Variants in GRM7 observed in about 807,000 individuals in gnomAD.
GRM7 encodes glutamate metabotropic receptor 7, also known as metabotropic glutamate receptor 7.
A neutral mutation model predicts 84.5 loss-of-function variants in GRM7; 35 were observed. That is an observed-to-expected ratio of 0.41 (90% CI 0.32 to 0.55). The LOEUF (loss-of-function observed/expected upper bound fraction) is 0.55, where lower values mean the gene tolerates loss of function less well. Among genes scored for constraint, GRM7 ranks in the 20% least tolerant of loss-of-function variants. GRM7 has a pLI of 0.19. For missense variants in GRM7, 1,003 were observed against 1,194.6 expected (o/e 0.84, Z 2.36); for synonymous variants, 487 against 455.1 (o/e 1.07, Z -0.89).
intron 7 of GRM7, among the ~76,000 whole-genome samples, chr3:7,548,426 A>G (rs1693277381): frequency 6.6e-6 from 1 of 152,224 alleles, no homozygotes; most frequent in South Asian, 2.1e-4. Context: ...AGCCTACAGA[A>G]TGATGGGCTA....
At chr3:7,708,910 T>C (rs1701489043) in intron 9 of GRM7, among the ~76,000 whole-genome samples, 1 of 151,602 alleles carries the variant, frequency 6.6e-6, no homozygotes, top group Non-Finnish European at 1.5e-5. Context: ...GTATTATATA[T>C]AATTTAAAAA....
intron 4 of GRM7, among the ~76,000 whole-genome samples, chr3:7,327,999 G>A (rs1701051471): frequency 6.6e-6 from 1 of 152,218 alleles, no homozygotes; most frequent in Admixed American, 6.5e-5. Context: ...TGATGATTTT[G>A]GTCAGGGCTA....
intron 1 of GRM7, among the ~76,000 whole-genome samples, chr3:6,949,446 T>G (rs7614072): frequency 6.6e-6 from 1 of 151,908 alleles, no homozygotes; most frequent in African/African-American, 2.4e-5. Context: ...GATGGGCTTC[T>G]CTTTGTGGGT....
chr3:6,919,764 A>C (rs896886932), intron 1 of GRM7, among the ~76,000 whole-genome samples: 11 of 152,134 alleles, frequency 7.2e-5, no homozygotes, highest in South Asian at 2.1e-4. Flanking sequence ...AAGATTCTAA[A>C]TTATTTAATT....
At chr3:7,595,970 G>A (rs1298666884) in intron 8 of GRM7, among the ~76,000 whole-genome samples, 1 of 152,178 alleles carries the variant, frequency 6.6e-6, no homozygotes, top group African/African-American at 2.4e-5. Flanking sequence ...AGACCACTCT[G>A]TCTTGGAGAA....
chr3:7,718,477 C>T (rs1297962279), intron 9 of GRM7, among the ~76,000 whole-genome samples: 1 of 151,984 alleles, frequency 6.6e-6, no homozygotes, highest in Non-Finnish European at 1.5e-5. Flanking sequence ...AAAAATAATC[C>T]CTGCCTCCAG....
intron 1 of GRM7, among the ~76,000 whole-genome samples, chr3:6,903,760 A>G (rs1696475922): frequency 1.3e-5 from 2 of 152,292 alleles, no homozygotes; most frequent in Middle Eastern, 6.8e-3. Context: ...GTTTCTCTTT[A>G]ACCGTATCCT....
intron 1 of GRM7, among the ~76,000 whole-genome samples, chr3:6,886,674 A>G (rs1282103790): frequency 6.6e-6 from 1 of 151,970 alleles, no homozygotes; most frequent in African/African-American, 2.4e-5. Flanking sequence ...TATTTGTTGA[A>G]TGAACACCTG....
chr3:7,691,582 T>C (rs1306763668), intron 9 of GRM7, among the ~76,000 whole-genome samples: 1 of 152,192 alleles, frequency 6.6e-6, no homozygotes, highest in Non-Finnish European at 1.5e-5. Context: ...AGCCCTGTTT[T>C]GAAGGGCTGA....
chr3:7,631,890 T>TAAC (rs1355802765), intron 8 of GRM7, among the ~76,000 whole-genome samples: 1 of 152,156 alleles, frequency 6.6e-6, no homozygotes, highest in African/African-American at 2.4e-5. Flanking sequence ...CTGTAACTTA[T>TAAC]AACAAGTATC....
intron 4 of GRM7, among the ~76,000 whole-genome samples, chr3:7,377,606 T>C (rs1038758048): frequency 6.6e-6 from 1 of 152,172 alleles, no homozygotes; most frequent in Admixed American, 6.5e-5. Context: ...CATAATGTGT[T>C]AAGGTTGAAA....
At chr3:7,145,451 C>T (rs1158344381) in intron 1 of GRM7, among the ~76,000 whole-genome samples, 2 of 152,144 alleles carry the variant, frequency 1.3e-5, no homozygotes, top group African/African-American at 2.4e-5. Context: ...TCTGTGATTA[C>T]TTCAGGGCTG....
chr3:7,516,643 G>C (rs767854695), intron 7 of GRM7, among the ~76,000 whole-genome samples: 2 of 152,086 alleles, frequency 1.3e-5, no homozygotes, highest in Non-Finnish European at 2.9e-5. Context: ...AGCATTCAGC[G>C]AGGACTAGAG....
chr3:7,165,018 A>C (rs779343683), intron 2 of GRM7, among the ~76,000 whole-genome samples: 1 of 152,272 alleles, frequency 6.6e-6, no homozygotes, highest in Non-Finnish European at 1.5e-5. Context: ...GAAGCACTGT[A>C]CATTTCACCA....
intron 4 of GRM7, among the ~76,000 whole-genome samples, chr3:7,409,012 A>T (rs1575292450): frequency 6.6e-6 from 1 of 152,206 alleles, no homozygotes; most frequent in East Asian, 1.9e-4. Context: ...ACTACATTAA[A>T]TTCTCATGTG....
intron 8 of GRM7, among the ~76,000 whole-genome samples, chr3:7,613,955 A>C (rs564803224): frequency 2.6e-5 from 4 of 152,278 alleles, no homozygotes; most frequent in African/African-American, 9.6e-5. Context: ...AAAGGCAGTC[A>C]TTGGATTTTT....
intron 4 of GRM7, among the ~76,000 whole-genome samples, chr3:7,313,369 C>T (rs1700474908): frequency 6.6e-6 from 1 of 152,088 alleles, no homozygotes. Flanking sequence ...CCCATGATGA[C>T]CTTACTTAAG....
intron 9 of GRM7, among the ~76,000 whole-genome samples, chr3:7,711,917 C>T (rs969475060): frequency 5.3e-5 from 8 of 152,334 alleles, no homozygotes; most frequent in Non-Finnish European, 1.2e-4. Context: ...GTAACTAAAC[C>T]AATGAATAGC....
At chr3:7,610,363 G>A (rs1421423835) in intron 8 of GRM7, among the ~76,000 whole-genome samples, 3 of 152,150 alleles carry the variant, frequency 2.0e-5, no homozygotes, top group African/African-American at 7.2e-5. Flanking sequence ...ACCAGGCATT[G>A]CCAGCAGCCC....
Sources: gnomAD v4.1 joint callset for allele counts (sites outside exome capture counted in the v4.1 genomes callset) on GRCh38, gnomAD v4.1.1 for gene constraint, MANE v1.5 for transcripts, NCBI Gene and HGNC (gene_info 2026-07-23, HGNC 2026-07-21) for gene names.